SPO11: variants seen among roughly 807,000 people sequenced by gnomAD.
SPO11 encodes meiotic recombination protein SPO11.
A neutral mutation model predicts 51.6 loss-of-function variants in SPO11; 49 were observed. The ratio of observed to expected loss-of-function variants is 0.95; its 90% confidence interval spans 0.75 to 1.20. The LOEUF is 1.20. SPO11 is among the 50% of genes most tolerant of loss of function. The pLI is 0.00. For synonymous variants in SPO11, 176 were observed against 158.2 expected (o/e 1.11, Z -0.84); for missense variants, 431 against 473.4 (o/e 0.91, Z 0.83).
In SPO11 at chr20:57,329,891, C is replaced by G; in HGVS notation, c.24C>G (p.Pro8=). Residue 8 remains proline, a synonymous_variant, in exon 1 of 13, where the codon CCC becomes CCG. Coordinates refer to ENST00000371263, the MANE Select transcript of SPO11 (RefSeq NM_012444.3). ...TCATGGCCTTTGCACCTATGGGGCC[C>G]GAGGCCTCGTTCTTCGACGTTTTGG... The part of the protein sequence containing the change: MAFAPMG[P]EASFFDVLDR... 6 of 1,613,724 alleles carry G rather than the reference C, an allele frequency of 3.7e-6. No homozygotes were observed. Among genetic ancestry groups the G allele is most frequent in the South Asian group, 1.1e-5 (1 of 91,062 alleles).
At chr20:57,340,736 C>G (rs1157475677) in intron 11 of SPO11, among the ~76,000 whole-genome samples, 1 of 151,688 alleles carries the variant, frequency 6.6e-6, no homozygotes, top group African/African-American at 2.4e-5. Context: ...CACTGCACTC[C>G]AGCCTGGGTG....
At position 57,340,182 on chromosome 20, in the gene SPO11, A is replaced by G. The variant is rs765366702; in HGVS notation, c.959+4A>G. 1.3e-5 allele frequency: 20 copies of G among 1,578,214 alleles called. No individual in the cohort carries two copies. The highest frequency in any genetic ancestry group is 1.7e-5 in the Non-Finnish European group (19 of 1,147,314). On this transcript the variant is annotated splice_donor_region_variant and intron_variant, in intron 11 of 12. Coordinates refer to ENST00000371263, the MANE Select transcript of SPO11 (RefSeq NM_012444.3). Reference sequence around the variant, plus strand: ...TTCTCCCTTCTGATCTTAAAAGGTTAGATAGTATAGCAGAACTAGGATATT... The same window carrying G: ...TTCTCCCTTCTGATCTTAAAAGGTTGGATAGTATAGCAGAACTAGGATATT...
chr20:57,333,709 C>A lies in SPO11; in HGVS notation c.357C>A (p.Ser119=). Reference sequence around the variant, plus strand: ...CAGCTCTAATCCTTAAAATATTGTCCATGATTTATAAATTAGTACAGAGCA... The same window carrying A: ...CAGCTCTAATCCTTAAAATATTGTCAATGATTTATAAATTAGTACAGAGCA... ...QKFSLILKIL[S]MIYKLVQSNT... Residue 119 remains serine, a synonymous_variant, in exon 4 of 13, where the codon TCC becomes TCA. Transcript: ENST00000371263. 1 of 1,508,894 alleles carries A rather than the reference C, an allele frequency of 6.6e-7. No homozygotes were observed. Among genetic ancestry groups the A allele is most frequent in the Non-Finnish European group, 9.2e-7 (1 of 1,092,012 alleles). The allele number at this position is 1,508,894 out of a possible 1,614,324, so 93.5% of individuals were successfully genotyped here. A position where few individuals can be genotyped will look rare whatever the true frequency, so the allele number is the denominator to read the frequency against.
At position 57,335,439 on chromosome 20, in the gene SPO11, T is replaced by C; in HGVS notation, c.618T>C (p.Asn206=). ...CGATAVAVPS[N]IQGIRNLVTD... ...AAAAGGCTGTTGCTGTGCCATCGAA[T>C]ATTCAAGGAATTCGGAGTATCCTTT... The change falls in exon 7 of 13, where the codon AAT becomes AAC. Residue 206 remains asparagine, a synonymous_variant. Transcript: ENST00000371263. 2 of 1,611,036 alleles carry C rather than the reference T, an allele frequency of 1.2e-6. No individual in the cohort carries two copies. Among genetic ancestry groups the C allele is most frequent in the Non-Finnish European group, 1.7e-6 (2 of 1,179,158 alleles).
At position 57,333,994 on chromosome 20, in the gene SPO11, T is replaced by C; in HGVS notation, c.409T>C (p.Tyr137His). 6.4e-7 allele frequency: 1 copy of C among 1,552,376 alleles called. No homozygotes were observed. Among genetic ancestry groups the C allele is most frequent in the Non-Finnish European group, 8.7e-7 (1 of 1,142,970 alleles). The change falls in exon 5 of 13, where the codon TAT (tyrosine) becomes CAT (histidine). Residue 137 changes from tyrosine to histidine, a missense_variant. By Grantham distance (83) the Tyr-to-His change is moderately conservative. This residue lies in a region of SPO11 where 405 missense variants were observed against 425.9 expected (regional missense o/e 0.95). Transcript: ENST00000371263. ...TATTTTAAATTTTCATAGGGACATA[T>C]ATTACACTGACAGTCAACTCTTTGG... ...SNTYATKRDI[Y>H]YTDSQLFGNQ...
intron 8 of SPO11, among the ~76,000 whole-genome samples, chr20:57,336,851 A>T (rs1272852049): frequency 5.9e-5 from 9 of 152,184 alleles, no homozygotes; most frequent in Admixed American, 5.9e-4. Flanking sequence ...TGTTTATCAC[A>T]TGTCAACTTG....
intron 11 of SPO11, among the ~76,000 whole-genome samples, chr20:57,341,549 A>C (rs1393107233): frequency 6.6e-6 from 1 of 152,210 alleles, no homozygotes; most frequent in Non-Finnish European, 1.5e-5. Context: ...TTAAGTGGTG[A>C]GCAATCCTTG....
intron 1 of SPO11, 50 bp downstream of exon 1, chr20:57,330,048 G>A (rs541759911): frequency 1.3e-5 from 19 of 1,514,650 alleles, no homozygotes; most frequent in South Asian, 2.4e-5. Flanking sequence ...TAGAAAAGTC[G>A]GGCGCTCTTC....
At chr20:57,330,836 T>C (rs2066440620) in intron 1 of SPO11, among the ~76,000 whole-genome samples, 1 of 151,866 alleles carries the variant, frequency 6.6e-6, no homozygotes, top group East Asian at 1.9e-4. Context: ...AAGTCCCTTG[T>C]TAATATCGCA....
At chr20:57,341,314 G>T (rs2146101329) in intron 11 of SPO11, among the ~76,000 whole-genome samples, 1 of 152,266 alleles carries the variant, frequency 6.6e-6, no homozygotes, top group South Asian at 2.1e-4. Context: ...CCCTTAGGCT[G>T]AATTCCCAGA....
Position 57,329,823 on chromosome 20 carries a change from G to A in SPO11, c.-45G>A. The A allele has an allele frequency of 6.3e-7, 1 of 1,589,778 alleles. No homozygotes were observed. Among genetic ancestry groups the A allele is most frequent in the Non-Finnish European group, 8.6e-7 (1 of 1,166,746 alleles). On this transcript the variant is annotated 5_prime_UTR_variant, in exon 1 of 13. Coordinates refer to ENST00000371263, the MANE Select transcript of SPO11 (RefSeq NM_012444.3). ...CACGCAGCCACGCCCCAAGGGCGCA[G>A]CCTAGGACAGGGGCTTCTGGAGCTT...
chr20:57,340,550 G>A (rs902127285), intron 11 of SPO11, among the ~76,000 whole-genome samples: 4 of 152,136 alleles, frequency 2.6e-5, no homozygotes, highest in African/African-American at 9.7e-5. Context: ...GATCACTTGA[G>A]GCCAGGAGTT....
At position 57,342,728 on chromosome 20, in the gene SPO11, G is replaced by C; in HGVS notation, c.960-1G>C. 2 of 1,601,122 alleles carry C rather than the reference G, an allele frequency of 1.2e-6. No individual in the cohort carries two copies. Among genetic ancestry groups the C allele is most frequent in the Non-Finnish European group, 1.7e-6 (2 of 1,170,646 alleles). Reference sequence around the variant, plus strand: ...GATTTTTTTCACCTACTTTTTTCCAGATTAAATGTACCTAAAGATAGTTTG... The same window carrying C: ...GATTTTTTTCACCTACTTTTTTCCACATTAAATGTACCTAAAGATAGTTTG... On this transcript the variant is annotated splice_acceptor_variant, in intron 11 of 12. Coordinates refer to ENST00000371263, the MANE Select transcript of SPO11 (RefSeq NM_012444.3). LOFTEE classifies it high-confidence loss of function.
At position 57,339,014 on chromosome 20, in the gene SPO11, G is replaced by A. The variant is rs774648389; in HGVS notation, c.870G>A (p.Lys290=). Residue 290 remains lysine, a synonymous_variant, in exon 10 of 13, where the codon AAG becomes AAA. Transcript: ENST00000371263. ...GCATAGAAATAATGTGCATCTATAA[G>A]TATGGATCTATGGTAAGTATAGAAA... ...PHGIEIMCIY[K]YGSMSMSFEA... 2.0e-6 allele frequency: 3 copies of A among 1,482,784 alleles called. No individual in the cohort carries two copies. Among genetic ancestry groups the A allele is most frequent in the South Asian group, 2.5e-5 (2 of 80,642 alleles). 91.9% of individuals were successfully genotyped at this position (1,482,784 alleles called of 1,614,324 possible). A position where few individuals can be genotyped will look rare whatever the true frequency, so the allele number is the denominator to read the frequency against.
intron 6 of SPO11, 53 bp from the exon 7 acceptor site, chr20:57,335,366 A>T: frequency 2.0e-6 from 3 of 1,474,180 alleles, no homozygotes; most frequent in Non-Finnish European, 2.8e-6. Flanking sequence ...GTGATAAACT[A>T]AAAATGTGGT....
chr20:57,338,448 T>C, intron 9 of SPO11, 73 bp downstream of exon 9: 2 of 1,031,398 alleles, frequency 1.9e-6, no homozygotes, highest in Admixed American at 2.7e-5. Flanking sequence ...TTCTTCCTCT[T>C]TTTTTTTTTT....
At chr20:57,331,732 T>C (rs368477800) in intron 1 of SPO11, 101 bp from the exon 2 acceptor site, 2 of 573,362 alleles carry the variant, frequency 3.5e-6, no homozygotes, top group African/African-American at 3.8e-5. Flanking sequence ...TAAAAAAGAA[T>C]AAAATAAAAA....
intron 3 of SPO11, 73 bp from the exon 4 acceptor site, chr20:57,333,614 T>C (rs566680939): frequency 1.2e-6 from 1 of 843,710 alleles, no homozygotes; most frequent in African/African-American, 1.7e-5. Flanking sequence ...TAAGTTAAAA[T>C]CCTTGATAGC....
rs1202348247 is a variant in SPO11, at chr20:57,333,706, G to A, written c.354G>A (p.Leu118=). The A allele has an allele frequency of 1.3e-6, 2 of 1,509,580 alleles. No homozygotes were observed. The highest frequency in any genetic ancestry group is 1.8e-6 in the Non-Finnish European group (2 of 1,092,164). The allele number at this position is 1,509,580 out of a possible 1,614,324, so 93.5% of individuals were successfully genotyped here. A position where few individuals can be genotyped will look rare whatever the true frequency, so the allele number is the denominator to read the frequency against. The change falls in exon 4 of 13, where the codon TTG becomes TTA. Residue 118 remains leucine (L), a synonymous_variant. Transcript: ENST00000371263. The part of the protein sequence containing the change: ...AQKFSLILKI[L]SMIYKLVQSN... ...TTCCAGCTCTAATCCTTAAAATATT[G>A]TCCATGATTTATAAATTAGTACAGA...
Sources: allele counts gnomAD v4.1 joint callset (sites outside exome capture counted in the v4.1 genomes callset), GRCh38; gene constraint gnomAD v4.1.1; regional missense constraint gnomAD v4.1.1; transcripts MANE v1.5; gene names NCBI Gene and HGNC (gene_info 2026-07-23, HGNC 2026-07-21).